The following LINGO2 variants were observed in gnomAD, a reference collection of about 807,000 sequenced individuals.
LINGO2 encodes the protein leucine rich repeat and Ig domain containing 2.
LINGO2 carries 14 observed loss-of-function variants against 30.6 expected under a neutral mutation model. The ratio of observed to expected loss-of-function variants is 0.46; its 90% CI spans 0.30 to 0.72. The LOEUF is 0.72. Ranked by LOEUF, LINGO2 falls within the 30% of genes least tolerant of loss-of-function variation. The pLI, the probability that LINGO2 is intolerant of heterozygous loss-of-function variation, is 0.07. For synonymous variants in LINGO2, 317 were observed against 288.5 expected (o/e 1.10, Z -1.00); for missense variants, 729 against 751.7 (o/e 0.97, Z 0.35).
At chr9:28,699,614 G>T in the LINGO2 span, among the ~76,000 whole-genome samples, 1 of 152,042 alleles carries the variant, frequency 6.6e-6, no homozygotes, top group South Asian at 2.1e-4. Context: ...GACTGCCTGT[G>T]GGGTCGGGCA....
intron 2 of LINGO2, among the ~76,000 whole-genome samples, chr9:28,393,795 A>G (rs890213061): frequency 4.6e-5 from 7 of 152,174 alleles, no homozygotes; most frequent in African/African-American, 1.4e-4. Context: ...AGGGCAGGTC[A>G]AAGGTGCCAG....
At chr9:28,834,875 T>A in the LINGO2 span, among the ~76,000 whole-genome samples, 1 of 152,186 alleles carries the variant, frequency 6.6e-6, no homozygotes. Flanking sequence ...TTGGAACTAA[T>A]TAGAATAAAA....
At chr9:28,526,729 C>G (rs117286104) in intron 1 of LINGO2, among the ~76,000 whole-genome samples, 2 of 152,174 alleles carry the variant, frequency 1.3e-5, no homozygotes, top group Non-Finnish European at 2.9e-5. Flanking sequence ...AGCTCAAGTA[C>G]CTTAATTTGC....
intron 2 of LINGO2, among the ~76,000 whole-genome samples, chr9:28,459,228 C>T (rs1200728523): frequency 6.6e-6 from 1 of 150,652 alleles, no homozygotes; most frequent in East Asian, 2.0e-4. Context: ...TTCATCTGAT[C>T]TTCTGGAAAT....
chr9:28,515,236 T>C (rs1231492987), intron 1 of LINGO2, among the ~76,000 whole-genome samples: 3 of 145,922 alleles, frequency 2.1e-5, no homozygotes, highest in African/African-American at 7.6e-5. Context: ...AGATGGAGTC[T>C]CGCTCTGTCG....
intron 1 of LINGO2, among the ~76,000 whole-genome samples, chr9:28,514,283 G>T (rs1288220726): frequency 6.6e-6 from 1 of 152,112 alleles, no homozygotes; most frequent in Non-Finnish European, 1.5e-5. Context: ...CAAGTGAAAA[G>T]AAGAGTAGCC....
chr9:28,346,239 T>C (rs1819561878), intron 3 of LINGO2, among the ~76,000 whole-genome samples: 1 of 152,164 alleles, frequency 6.6e-6, no homozygotes, highest in South Asian at 2.1e-4. Context: ...TGTCTGTTGT[T>C]CCTCTCCCAG....
the LINGO2 span, among the ~76,000 whole-genome samples, chr9:29,060,639 T>A: frequency 1.3e-5 from 2 of 151,890 alleles, no homozygotes; most frequent in African/African-American, 4.8e-5. Context: ...AAACCAAACA[T>A]ATCTGAAATA....
intron 3 of LINGO2, among the ~76,000 whole-genome samples, chr9:28,340,160 A>T (rs1360507): frequency 4.6e-5 from 7 of 151,998 alleles, no homozygotes; most frequent in Non-Finnish European, 8.8e-5. Context: ...TTCTGACACT[A>T]GTTCTGTGAC....
intron 4 of LINGO2, among the ~76,000 whole-genome samples, chr9:28,104,856 T>C (rs1826535182): frequency 6.6e-6 from 1 of 152,050 alleles, no homozygotes; most frequent in South Asian, 2.1e-4. Context: ...AATGAGAAGA[T>C]AAATACAGTA....
the LINGO2 span, among the ~76,000 whole-genome samples, chr9:28,967,308 G>A: frequency 1.3e-5 from 2 of 152,120 alleles, no homozygotes; most frequent in Non-Finnish European, 2.9e-5. Context: ...ATGAAGTAGA[G>A]CCTAAAGAAT....
chr9:28,513,766 T>C (rs548366860), intron 1 of LINGO2, among the ~76,000 whole-genome samples: 1 of 152,362 alleles, frequency 6.6e-6, no homozygotes, highest in Admixed American at 6.5e-5. Flanking sequence ...ATAAAGTATT[T>C]TGAAGAAGCT....
intron 4 of LINGO2, among the ~76,000 whole-genome samples, chr9:28,279,226 T>C (rs1587378527): frequency 6.6e-6 from 1 of 152,180 alleles, no homozygotes; most frequent in East Asian, 1.9e-4. Context: ...GCTGTGAACA[T>C]TGGTGAAATG....
the LINGO2 span, among the ~76,000 whole-genome samples, chr9:28,964,381 A>T: frequency 6.6e-6 from 1 of 151,962 alleles, no homozygotes; most frequent in African/African-American, 2.4e-5. Flanking sequence ...GCAGTAGCTG[A>T]TTAAGAAAAA....
chr9:28,885,334 G>A, the LINGO2 span, among the ~76,000 whole-genome samples: 5 of 141,848 alleles, frequency 3.5e-5, no homozygotes, highest in Non-Finnish European at 7.7e-5. Context: ...TGGACTCCCT[G>A]GAAGCAGCAG....
At chr9:29,033,398 A>C in the LINGO2 span, among the ~76,000 whole-genome samples, 89 of 149,826 alleles carry the variant, frequency 5.9e-4, no homozygotes, top group African/African-American at 1.5e-3. Flanking sequence ...ATATATATAT[A>C]TCTCTTCTAT....
chr9:28,237,953 G>A (rs1321404430), intron 4 of LINGO2, among the ~76,000 whole-genome samples: 1 of 152,020 alleles, frequency 6.6e-6, no homozygotes, highest in Non-Finnish European at 1.5e-5. Flanking sequence ...CCATTCCAAT[G>A]GAAACCTAAA....
intron 4 of LINGO2, among the ~76,000 whole-genome samples, chr9:28,220,490 AT>A (rs944572013): frequency 6.6e-6 from 1 of 152,126 alleles, no homozygotes; most frequent in African/African-American, 2.4e-5. Flanking sequence ...TGCTATGGAT[AT>A]TTTTTTAGAA....
chr9:28,379,437 G>A (rs1821255782), intron 2 of LINGO2, among the ~76,000 whole-genome samples: 1 of 152,010 alleles, frequency 6.6e-6, no homozygotes, highest in Non-Finnish European at 1.5e-5. Flanking sequence ...AGAAGCCCAG[G>A]ATTTAGTCTA....
Sources: allele counts gnomAD v4.1 joint callset (sites outside exome capture counted in the v4.1 genomes callset), GRCh38; gene constraint gnomAD v4.1.1; transcripts MANE v1.5; gene names NCBI Gene and HGNC (gene_info 2026-07-23, HGNC 2026-07-21).